CMSS1: variants seen among roughly 807,000 people sequenced by gnomAD.
The protein encoded by CMSS1 is cms1 ribosomal small subunit homolog, also known as protein CMSS1.
In CMSS1, 33 loss-of-function variants were observed where a neutral mutation model predicts 43.5. The ratio of observed to expected loss-of-function variants is 0.76; its 90% confidence interval spans 0.57 to 1.01. The LOEUF (loss-of-function observed/expected upper bound fraction) is 1.01. Among genes scored for constraint, CMSS1 ranks in the 50% least tolerant of loss-of-function variants. CMSS1 has a pLI of 0.00. For missense variants in CMSS1, 313 were observed against 326.4 expected (o/e 0.96, Z 0.32); for synonymous variants, 115 against 117.2 (o/e 0.98, Z 0.12).
At position 100,162,128 on chromosome 3, in the gene CMSS1, G is replaced by T. The variant is rs112795797; in HGVS notation, c.226-175G>T. On this transcript the variant is annotated intron_variant, in intron 3 of 9. Coordinates refer to ENST00000421999, the MANE Select transcript of CMSS1 (RefSeq NM_032359.4). ...CATTTTTTCATTTTTCAAAGCAATA[G>T]TTATGTCCAAGAAGTATTTAGTGAA... Among the ~76,000 whole-genome samples the T allele has an allele frequency of 3.8e-3, 573 of 152,304 alleles. 7 individuals carry two copies. The highest frequency in any genetic ancestry group is 0.013 in the African/African-American group (552 of 41,562).
At chr3:100,168,247 T>C (rs924283425) in intron 6 of CMSS1, among the ~76,000 whole-genome samples, 1 of 152,170 alleles carries the variant, frequency 6.6e-6, no homozygotes, top group African/African-American at 2.4e-5. Context: ...GATGCCATTA[T>C]AGGATTTTGA....
chr3:100,069,011 T>A (rs956505779), intron 1 of CMSS1, among the ~76,000 whole-genome samples: 1 of 152,170 alleles, frequency 6.6e-6, no homozygotes, highest in African/African-American at 2.4e-5. Context: ...CAAACCCAGA[T>A]AGAACGTTAG....
chr3:100,011,191 A>G (rs1483470532), intron 1 of CMSS1, among the ~76,000 whole-genome samples: 1 of 152,122 alleles, frequency 6.6e-6, no homozygotes, highest in Non-Finnish European at 1.5e-5. Flanking sequence ...AGTAAGAAGG[A>G]TGTCTATATT....
chr3:100,062,219 C>G (rs1007027911), intron 1 of CMSS1, among the ~76,000 whole-genome samples: 9 of 147,920 alleles, frequency 6.1e-5, no homozygotes, highest in Non-Finnish European at 1.2e-4. Flanking sequence ...TCAGGCCATT[C>G]TCCTGCCTCA....
chr3:99,894,437 C>T lies in CMSS1; in HGVS notation c.64+76394C>T, dbSNP rs1576553952. 2.0e-5 allele frequency among the ~76,000 whole-genome samples: 3 copies of T among 152,250 alleles called. No individual in the cohort carries two copies. In the South Asian group the frequency reaches 6.2e-4, roughly 32 times the overall value. On this transcript the variant is annotated intron_variant, in intron 1 of 9. Transcript: ENST00000421999. Reference sequence around the variant, plus strand: ...TGCTGGTGTGCTATTTTCTTGTTTCCACTTTTAGTTGTCACCTTTTTGTTT... The same window carrying T: ...TGCTGGTGTGCTATTTTCTTGTTTCTACTTTTAGTTGTCACCTTTTTGTTT...
At chr3:99,838,502 G>A (rs188492976) in intron 1 of CMSS1, among the ~76,000 whole-genome samples, 1 of 152,276 alleles carries the variant, frequency 6.6e-6, no homozygotes, top group East Asian at 1.9e-4. Flanking sequence ...CATATGTTTA[G>A]GGACATTCTG....
At chr3:99,837,696 A>G (rs181501386) in intron 1 of CMSS1, among the ~76,000 whole-genome samples, 2 of 152,356 alleles carry the variant, frequency 1.3e-5, no homozygotes, top group Admixed American at 1.3e-4. Context: ...ACCTGGGAAG[A>G]TACATAGTGA....
intron 1 of CMSS1, chr3:99,898,096 C>T (rs2107622564): frequency 6.6e-6 from 1 of 152,156 alleles, no homozygotes; most frequent in East Asian, 1.9e-4. Flanking sequence ...AGTTATTAGA[C>T]TCTCAAGGAA....
intron 1 of CMSS1, among the ~76,000 whole-genome samples, chr3:100,123,619 T>C (rs1576087466): frequency 6.6e-6 from 1 of 152,154 alleles, no homozygotes; most frequent in African/African-American, 2.4e-5. Flanking sequence ...GTGCGCTGGG[T>C]AGACCCAAGG....
chr3:100,067,380 CTGGTGAAGGTTGTATATATAA>C (rs1658949958), intron 1 of CMSS1, among the ~76,000 whole-genome samples: 1 of 152,124 alleles, frequency 6.6e-6, no homozygotes, highest in Non-Finnish European at 1.5e-5. Flanking sequence ...ACTAAGCACC[CTGGTGAAGGTTGTATATATAA>C]GAAAGGTGGA....
chr3:99,834,041 A>G (rs1439516372), intron 1 of CMSS1, among the ~76,000 whole-genome samples: 1 of 152,232 alleles, frequency 6.6e-6, no homozygotes, highest in Non-Finnish European at 1.5e-5. Flanking sequence ...ATATTGTTTG[A>G]CAAATCACTG....
At chr3:100,124,338 A>G (rs1485321986) in intron 1 of CMSS1, among the ~76,000 whole-genome samples, 2 of 152,248 alleles carry the variant, frequency 1.3e-5, no homozygotes, top group Non-Finnish European at 2.9e-5. Context: ...CACCAGCACT[A>G]TGATGATTCA....
At chr3:99,874,002 T>C (rs1158647719) in intron 1 of CMSS1, among the ~76,000 whole-genome samples, 1 of 152,238 alleles carries the variant, frequency 6.6e-6, no homozygotes, top group Non-Finnish European at 1.5e-5. Flanking sequence ...AAATTGCTCA[T>C]CCAAAGAGCC....
At chr3:99,937,051 C>T (rs1179580041) in intron 1 of CMSS1, among the ~76,000 whole-genome samples, 1 of 152,096 alleles carries the variant, frequency 6.6e-6, no homozygotes, top group African/African-American at 2.4e-5. Context: ...AATTTTCCTG[C>T]CTCAGCCTCC....
chr3:99,856,773 C>T (rs1207181377), intron 1 of CMSS1, among the ~76,000 whole-genome samples: 1 of 152,126 alleles, frequency 6.6e-6, no homozygotes, highest in Non-Finnish European at 1.5e-5. Context: ...TTTTTATTTG[C>T]AGACACATAT....
intron 1 of CMSS1, chr3:100,114,605 T>G: frequency 5.4e-6 from 1 of 186,102 alleles, no homozygotes; most frequent in Non-Finnish European, 1.1e-5. Flanking sequence ...AACACCCTCT[T>G]AGGTAATTTT....
intron 1 of CMSS1, among the ~76,000 whole-genome samples, chr3:99,851,981 A>C (rs61010376): frequency 0.12 from 19,024 of 152,198 alleles, 1,714 homozygotes; most frequent in African/African-American, 0.25. Context: ...GACATGACAG[A>C]AGAGAAACTC....
chr3:100,155,330 T>C (rs1360211216), intron 2 of CMSS1, among the ~76,000 whole-genome samples: 3 of 152,244 alleles, frequency 2.0e-5, no homozygotes, highest in Non-Finnish European at 4.4e-5. Flanking sequence ...CAGCTCTTTA[T>C]TTTCATGGCA....
intron 1 of CMSS1, among the ~76,000 whole-genome samples, chr3:100,134,766 G>A (rs756120551): frequency 1.1e-4 from 17 of 152,142 alleles, no homozygotes; most frequent in Non-Finnish European, 2.2e-4. Context: ...ATGAATGTTA[G>A]TTAAATATAA....
Sources: allele counts gnomAD v4.1 joint callset (sites outside exome capture counted in the v4.1 genomes callset), GRCh38; gene constraint gnomAD v4.1.1; transcripts MANE v1.5; gene names NCBI Gene and HGNC (gene_info 2026-07-23, HGNC 2026-07-21).